Variants in LRRC4C observed in about 807,000 individuals in gnomAD.
LRRC4C encodes leucine rich repeat containing 4C, also known as leucine-rich repeat-containing protein 4C.
LRRC4C carries 5 observed loss-of-function variants against 33.6 expected under a neutral mutation model. The ratio of observed to expected loss-of-function variants is 0.15; its 90% CI spans 0.08 to 0.31. The LOEUF (loss-of-function observed/expected upper bound fraction) is 0.31. Ranked by LOEUF, LRRC4C falls within the 10% of genes least tolerant of loss-of-function variation. The probability of loss-of-function intolerance (pLI) is 1.00; values close to 1 mark genes in which losing one functional copy is unlikely to be tolerated. For missense variants in LRRC4C, 560 were observed against 796.7 expected (o/e 0.70, Z 3.58); for synonymous variants, 329 against 302.0 (o/e 1.09, Z -0.93).
chr11:41,015,078 C>T (rs2072371530), intron 1 of LRRC4C, among the ~76,000 whole-genome samples: 1 of 152,134 alleles, frequency 6.6e-6, no homozygotes, highest in South Asian at 2.1e-4. Flanking sequence ...GATAATCTAG[C>T]TAGTTTCTAA....
intron 1 of LRRC4C, among the ~76,000 whole-genome samples, chr11:41,198,939 C>T (rs1369073311): frequency 6.6e-6 from 1 of 152,060 alleles, no homozygotes; most frequent in African/African-American, 2.4e-5. Flanking sequence ...ATTTTATCCA[C>T]ATAAGAAAAT....
At chr11:41,025,801 A>G (rs547768484) in intron 1 of LRRC4C, among the ~76,000 whole-genome samples, 49 of 151,896 alleles carry the variant, frequency 3.2e-4, no homozygotes, top group Non-Finnish European at 5.8e-4. Flanking sequence ...AGAGAAAAAG[A>G]CAATGTCTAG....
chr11:41,368,119 G>A (rs1375361993), intron 1 of LRRC4C, among the ~76,000 whole-genome samples: 1 of 152,134 alleles, frequency 6.6e-6, no homozygotes, highest in Non-Finnish European at 1.5e-5. Flanking sequence ...TCAGATTTCA[G>A]GCTTTAAATT....
chr11:40,785,803 A>C (rs975308973), intron 2 of LRRC4C, among the ~76,000 whole-genome samples: 1 of 152,176 alleles, frequency 6.6e-6, no homozygotes, highest in African/African-American at 2.4e-5. Context: ...CTCCAAGACA[A>C]GGCAAATTCT....
At chr11:41,336,251 T>A (rs12577372) in intron 1 of LRRC4C, among the ~76,000 whole-genome samples, 43,619 of 149,198 alleles carry the variant, frequency 0.29, 6,890 homozygotes, top group East Asian at 0.46. Flanking sequence ...CCTTTTTTTT[T>A]AAAAAAAAAA....
At chr11:41,068,874 T>G (rs1938465870) in intron 1 of LRRC4C, among the ~76,000 whole-genome samples, 1 of 152,130 alleles carries the variant, frequency 6.6e-6, no homozygotes, top group African/African-American at 2.4e-5. Context: ...CTTCTGAAAC[T>G]ATTTGAAACA....
chr11:40,482,773 T>TCA (rs1288585168), intron 3 of LRRC4C, among the ~76,000 whole-genome samples: 1 of 152,154 alleles, frequency 6.6e-6, no homozygotes, highest in Non-Finnish European at 1.5e-5. Context: ...ACCTGCCTGG[T>TCA]CACACATCAG....
Position 40,726,882 on chromosome 11 carries a change from C to T in LRRC4C, c.-406-78604G>A, listed in dbSNP as rs927241100. 5.3e-5 allele frequency among the ~76,000 whole-genome samples: 8 copies of T among 151,804 alleles called. 1 individual carries two copies. The East Asian group carries it at 1.2e-3, about 22-fold the overall frequency. On this transcript the variant is annotated intron_variant, in intron 2 of 6. Transcript: ENST00000528697. Reference sequence around the variant, plus strand: ...CTAAAAACTCTGCCAAAAGGCTCCTCGGCCTGATAAATAACTTAGATAGGG... The same window carrying T: ...CTAAAAACTCTGCCAAAAGGCTCCTTGGCCTGATAAATAACTTAGATAGGG...
chr11:41,194,560 C>T (rs1295088923), intron 1 of LRRC4C, among the ~76,000 whole-genome samples: 4 of 152,170 alleles, frequency 2.6e-5, no homozygotes, highest in Middle Eastern at 3.4e-3. Flanking sequence ...AATCAAGTGG[C>T]CATGTTGGAC....
chr11:41,037,775 C>G (rs892223386), intron 1 of LRRC4C, among the ~76,000 whole-genome samples: 7 of 152,064 alleles, frequency 4.6e-5, no homozygotes, highest in Non-Finnish European at 8.8e-5. Flanking sequence ...CACCTGAATT[C>G]GGAGTACTTA....
chr11:41,141,741 G>A (rs899991138), intron 1 of LRRC4C, among the ~76,000 whole-genome samples: 2 of 152,040 alleles, frequency 1.3e-5, no homozygotes, highest in African/African-American at 4.8e-5. Flanking sequence ...AGTTTCCTGA[G>A]GACTCCCCAG....
intron 4 of LRRC4C, among the ~76,000 whole-genome samples, chr11:40,250,482 G>C (rs1287919741): frequency 6.6e-6 from 1 of 152,032 alleles, no homozygotes; most frequent in Admixed American, 6.6e-5. Context: ...GCTCATGCCT[G>C]TAACCCCAGC....
intron 4 of LRRC4C, among the ~76,000 whole-genome samples, chr11:40,278,803 T>G (rs1482038554): frequency 6.6e-6 from 1 of 152,084 alleles, no homozygotes; most frequent in Non-Finnish European, 1.5e-5. Context: ...TTAGTGGGTT[T>G]TGTCTCCAGC....
At chr11:41,069,305 C>T (rs2135413606) in intron 1 of LRRC4C, among the ~76,000 whole-genome samples, 1 of 152,294 alleles carries the variant, frequency 6.6e-6, no homozygotes, top group East Asian at 1.9e-4. Flanking sequence ...AAACCCATAG[C>T]CATTATCATG....
intron 2 of LRRC4C, among the ~76,000 whole-genome samples, chr11:40,851,422 G>A (rs781510261): frequency 5.3e-5 from 8 of 152,042 alleles, no homozygotes; most frequent in African/African-American, 1.2e-4. Flanking sequence ...TCCCGGGTGA[G>A]GCAATGCCCC....
intron 2 of LRRC4C, among the ~76,000 whole-genome samples, chr11:40,680,744 A>T (rs1041511380): frequency 2.0e-5 from 3 of 152,192 alleles, no homozygotes; most frequent in Admixed American, 2.0e-4. Flanking sequence ...TAAATTGCCC[A>T]ATCTCAGGTA....
At chr11:41,365,413 G>T (rs1226288971) in intron 1 of LRRC4C, among the ~76,000 whole-genome samples, 3 of 151,896 alleles carry the variant, frequency 2.0e-5, no homozygotes, top group Non-Finnish European at 4.4e-5. Context: ...AATAATAATA[G>T]AAATAAAATG....
intron 1 of LRRC4C, among the ~76,000 whole-genome samples, chr11:41,036,574 A>G (rs1857080577): frequency 6.6e-6 from 1 of 152,196 alleles, no homozygotes. Flanking sequence ...AGTTTAAATT[A>G]GATTTTTGTT....
chr11:40,770,940 C>T (rs1949728983), intron 2 of LRRC4C, among the ~76,000 whole-genome samples: 1 of 152,096 alleles, frequency 6.6e-6, no homozygotes, highest in Non-Finnish European at 1.5e-5. Context: ...GCATTGAGTA[C>T]CTGTGGCTTT....
Sources: gnomAD v4.1 joint callset for allele counts (sites outside exome capture counted in the v4.1 genomes callset) on GRCh38, gnomAD v4.1.1 for gene constraint, MANE v1.5 for transcripts, NCBI Gene and HGNC (gene_info 2026-07-23, HGNC 2026-07-21) for gene names.